RANBP2: variants seen among roughly 807,000 people sequenced by gnomAD.
RANBP2 encodes the protein RAN binding protein 2.
In RANBP2, 57 loss-of-function variants were observed where a neutral mutation model predicts 303.6. That is an observed-to-expected ratio of 0.19 (90% confidence interval 0.15 to 0.23). RANBP2 has a LOEUF of 0.23. Ranked by LOEUF, RANBP2 falls within the 10% of genes least tolerant of loss-of-function variation. RANBP2 has a pLI of 1.00. For missense variants in RANBP2, 3,138 were observed against 3,780.8 expected (o/e 0.83, Z 4.46); for synonymous variants, 1,167 against 1,301.5 (o/e 0.90, Z 2.23).
the RANBP2 span, chr2:109,371,697 C>T: frequency 2.0e-5 from 32 of 1,610,156 alleles, no homozygotes; most frequent in Non-Finnish European, 2.6e-5. Flanking sequence ...ACCGTGCCGC[C>T]CTCCCACACT....
At chr2:109,372,005 A>C in the RANBP2 span, among the ~76,000 whole-genome samples, 55 of 151,772 alleles carry the variant, frequency 3.6e-4, no homozygotes, top group East Asian at 0.01. Context: ...TGCTTCTCCA[A>C]CTCCCCCAAG....
chr2:109,654,520 A>G, the RANBP2 span, among the ~76,000 whole-genome samples: 1 of 151,928 alleles, frequency 6.6e-6, no homozygotes, highest in South Asian at 2.1e-4. Context: ...CATTACTGCC[A>G]TACGCCTCAT....
chr2:109,294,307 T>A, the RANBP2 span, among the ~76,000 whole-genome samples: 2 of 152,146 alleles, frequency 1.3e-5, no homozygotes, highest in African/African-American at 2.4e-5. Context: ...ATGCCTGTAA[T>A]CCCAGCACTT....
chr2:109,312,379 A>G, the RANBP2 span, among the ~76,000 whole-genome samples: 1 of 152,216 alleles, frequency 6.6e-6, no homozygotes, highest in Non-Finnish European at 1.5e-5. Flanking sequence ...TACTTATAAC[A>G]TGAAAGTCAT....
At chr2:109,112,710 T>C in the RANBP2 span, among the ~76,000 whole-genome samples, 3 of 152,208 alleles carry the variant, frequency 2.0e-5, no homozygotes, top group Non-Finnish European at 2.9e-5. Flanking sequence ...TCCTTGCCCA[T>C]GCCTATGTCC....
At chr2:109,353,633 C>T in the RANBP2 span, among the ~76,000 whole-genome samples, 1 of 152,172 alleles carries the variant, frequency 6.6e-6, no homozygotes, top group African/African-American at 2.4e-5. Flanking sequence ...TGTCTCCTCA[C>T]CCAGGCTTCT....
At chr2:109,024,538 C>A in the RANBP2 span, among the ~76,000 whole-genome samples, 1 of 152,228 alleles carries the variant, frequency 6.6e-6, no homozygotes, top group African/African-American at 2.4e-5. Flanking sequence ...GTCTAGCCAA[C>A]TCCCCTCTTG....
chr2:109,170,340 CTCTT>C, the RANBP2 span, among the ~76,000 whole-genome samples: 2 of 148,662 alleles, frequency 1.3e-5, no homozygotes, highest in South Asian at 2.1e-4. Context: ...CTCTCTCTCT[CTCTT>C]TCCTTTCTTT....
At chr2:109,464,005 G>A in the RANBP2 span, among the ~76,000 whole-genome samples, 6 of 152,212 alleles carry the variant, frequency 3.9e-5, no homozygotes, top group South Asian at 1.2e-3. Flanking sequence ...CGCTCGGGAG[G>A]GTCCCCAATT....
chr2:109,161,335 C>T, the RANBP2 span, among the ~76,000 whole-genome samples: 2 of 151,912 alleles, frequency 1.3e-5, no homozygotes, highest in African/African-American at 2.4e-5. Flanking sequence ...GTGGTATGCA[C>T]GGGTTTCTCT....
the RANBP2 span, among the ~76,000 whole-genome samples, chr2:109,241,811 G>C: frequency 2.0e-5 from 3 of 151,476 alleles, no homozygotes; most frequent in Admixed American, 6.6e-5. Flanking sequence ...TGTCCCCCAG[G>C]CTAGAGTGCA....
At chr2:109,248,815 TTTTCTCTC>T in the RANBP2 span, among the ~76,000 whole-genome samples, 8 of 151,628 alleles carry the variant, frequency 5.3e-5, no homozygotes, top group Admixed American at 3.9e-4. Context: ...TTCTCTTTCG[TTTTCTCTC>T]TTTCTCTCTT....
At chr2:108,737,612 A>G (rs1292528933) in intron 6 of RANBP2, among the ~76,000 whole-genome samples, 1 of 144,830 alleles carries the variant, frequency 6.9e-6, no homozygotes, top group Non-Finnish European at 1.5e-5. Flanking sequence ...GCAGTGGTGC[A>G]GTCTCGGCTC....
chr2:108,906,205 C>T, the RANBP2 span: 13 of 1,221,504 alleles, frequency 1.1e-5, 1 homozygote, highest in South Asian at 6.1e-5. Context: ...ACTGGATGGG[C>T]GGCTTCCCTC....
At chr2:108,909,157 C>T in the RANBP2 span, among the ~76,000 whole-genome samples, 1 of 152,188 alleles carries the variant, frequency 6.6e-6, no homozygotes, top group South Asian at 2.1e-4. Context: ...AATAGGGCCT[C>T]CAAATTTTCC....
chr2:109,390,120 G>A, the RANBP2 span, among the ~76,000 whole-genome samples: 1 of 152,196 alleles, frequency 6.6e-6, no homozygotes, highest in Non-Finnish European at 1.5e-5. Flanking sequence ...AGGCCATGCG[G>A]GTCCCCACCT....
the RANBP2 span, among the ~76,000 whole-genome samples, chr2:109,196,056 C>T: frequency 2.5e-3 from 379 of 152,338 alleles, 3 homozygotes; most frequent in African/African-American, 8.7e-3. Flanking sequence ...CAGGTGATGT[C>T]GAAGGGCTCC....
chr2:109,336,600 G>A, the RANBP2 span, among the ~76,000 whole-genome samples: 2 of 152,216 alleles, frequency 1.3e-5, no homozygotes, highest in Non-Finnish European at 2.9e-5. Flanking sequence ...TTTCCACCAC[G>A]TTGAGGCAAA....
the RANBP2 span, among the ~76,000 whole-genome samples, chr2:109,411,891 C>A: frequency 7.9e-5 from 12 of 152,356 alleles, no homozygotes; most frequent in African/African-American, 2.9e-4. Flanking sequence ...TTTGCCATAT[C>A]AAGTGTCAGC....
Sources: gnomAD v4.1 joint callset for allele counts (sites outside exome capture counted in the v4.1 genomes callset) on GRCh38, gnomAD v4.1.1 for gene constraint, MANE v1.5 for transcripts, NCBI Gene and HGNC (gene_info 2026-07-23, HGNC 2026-07-21) for gene names.